Variants in TMEM132D observed in about 807,000 individuals in gnomAD.
The protein encoded by TMEM132D is mature OL transmembrane protein.
Under a neutral mutation model 62.3 loss-of-function variants are expected in TMEM132D, and 21 were observed. The ratio of observed to expected loss-of-function variants is 0.34; its 90% CI spans 0.24 to 0.49. TMEM132D has a LOEUF of 0.49. TMEM132D is among the 20% of genes least tolerant of loss of function. The pLI is 0.99. For synonymous variants in TMEM132D, 621 were observed against 575.6 expected, an observed-to-expected ratio of 1.08 and a Z score of -1.13; for missense variants, 1,346 against 1,402.8, an observed-to-expected ratio of 0.96 and a Z score of 0.65.
chr12:129,263,261 T>C (rs1024318960), intron 4 of TMEM132D, among the ~76,000 whole-genome samples: 3 of 152,176 alleles, frequency 2.0e-5, no homozygotes. Flanking sequence ...GATATTCCTT[T>C]ACTATACTCT....
At chr12:129,375,653 C>G (rs959968109) in intron 3 of TMEM132D, among the ~76,000 whole-genome samples, 2 of 152,054 alleles carry the variant, frequency 1.3e-5, no homozygotes, top group African/African-American at 4.8e-5. Flanking sequence ...TGTCCTCAAC[C>G]TGGACGGTCC....
At chr12:129,096,030 G>A (rs566548127) in intron 5 of TMEM132D, among the ~76,000 whole-genome samples, 1 of 152,248 alleles carries the variant, frequency 6.6e-6, no homozygotes, top group African/African-American at 2.4e-5. Context: ...CTCCTGGTGG[G>A]GGCTTCATAG....
intron 3 of TMEM132D, among the ~76,000 whole-genome samples, chr12:129,495,839 G>A (rs945706538): frequency 6.6e-6 from 1 of 152,148 alleles, no homozygotes; most frequent in Non-Finnish European, 1.5e-5. Flanking sequence ...GGGAGGGCTG[G>A]GTTCCAGGTG....
At chr12:129,843,932 TA>T (rs71848349) in intron 1 of TMEM132D, among the ~76,000 whole-genome samples, 8 of 150,760 alleles carry the variant, frequency 5.3e-5, no homozygotes, top group Non-Finnish European at 8.9e-5. Flanking sequence ...CTACAAAAAT[TA>T]AAAAAAAAAT....
chr12:129,093,393 GACAA>G (rs1222834933), intron 5 of TMEM132D, among the ~76,000 whole-genome samples: 2 of 151,966 alleles, frequency 1.3e-5, no homozygotes, highest in Admixed American at 6.6e-5. Flanking sequence ...ACCAATAACA[GACAA>G]ACAGAGAGCC....
At chr12:129,207,969 A>G (rs10847796) in intron 5 of TMEM132D, among the ~76,000 whole-genome samples, 128,630 of 152,166 alleles carry the variant, frequency 0.85, 54,521 homozygotes, top group Middle Eastern at 0.86. Context: ...GTAAACTGTC[A>G]TCACCCAACT....
intron 2 of TMEM132D, among the ~76,000 whole-genome samples, chr12:129,602,620 C>T (rs1005726113): frequency 2.0e-5 from 3 of 152,138 alleles, no homozygotes; most frequent in African/African-American, 7.2e-5. Context: ...TTGTTTTCAA[C>T]AGACCTTGTT....
intron 2 of TMEM132D, among the ~76,000 whole-genome samples, chr12:129,540,992 T>C (rs963043528): frequency 1.3e-5 from 2 of 152,214 alleles, no homozygotes; most frequent in African/African-American, 2.4e-5. Context: ...CCACTGGATA[T>C]GCAGGTGAGA....
chr12:129,554,492 ACAGTT>A (rs1876996935), intron 2 of TMEM132D, among the ~76,000 whole-genome samples: 1 of 152,186 alleles, frequency 6.6e-6, no homozygotes, highest in East Asian at 1.9e-4. Flanking sequence ...TGAGGGCATC[ACAGTT>A]GCTTACTGTG....
At chr12:129,158,916 G>T (rs796651898) in intron 5 of TMEM132D, among the ~76,000 whole-genome samples, 1 of 152,166 alleles carries the variant, frequency 6.6e-6, no homozygotes, top group African/African-American at 2.4e-5. Flanking sequence ...TCACAAGGTG[G>T]CAGGAGAGAG....
At chr12:129,534,243 A>C (rs1876314955) in intron 2 of TMEM132D, among the ~76,000 whole-genome samples, 4 of 152,136 alleles carry the variant, frequency 2.6e-5, no homozygotes, top group Admixed American at 2.0e-4. Flanking sequence ...TTTTGAAGAT[A>C]CTTTGCTGTA....
chr12:129,587,527 C>A (rs1878063818), intron 2 of TMEM132D, among the ~76,000 whole-genome samples: 1 of 152,050 alleles, frequency 6.6e-6, no homozygotes, highest in Non-Finnish European at 1.5e-5. Context: ...TGCACATGTA[C>A]CCCTGAACTT....
At chr12:129,210,541 G>T (rs1879008434) in intron 4 of TMEM132D, among the ~76,000 whole-genome samples, 1 of 152,100 alleles carries the variant, frequency 6.6e-6, no homozygotes, top group South Asian at 2.1e-4. Context: ...GGATGTCCCG[G>T]CTTGCCCCAA....
At chr12:129,580,401 TTG>T (rs1450678731) in intron 2 of TMEM132D, among the ~76,000 whole-genome samples, 1 of 152,230 alleles carries the variant, frequency 6.6e-6, no homozygotes, top group East Asian at 1.9e-4. Flanking sequence ...CATGAATGTC[TTG>T]TGTTATTAAA....
At chr12:129,138,880 C>T (rs981771431) in intron 5 of TMEM132D, among the ~76,000 whole-genome samples, 1 of 152,182 alleles carries the variant, frequency 6.6e-6, no homozygotes, top group African/African-American at 2.4e-5. Flanking sequence ...TTTGCCCATG[C>T]TCTGCAGCAT....
chr12:129,833,290 C>G (rs1015254908), intron 1 of TMEM132D, among the ~76,000 whole-genome samples: 1 of 152,086 alleles, frequency 6.6e-6, no homozygotes, highest in African/African-American at 2.4e-5. Flanking sequence ...CCTTGTAATT[C>G]CTTCCTACAC....
intron 5 of TMEM132D, among the ~76,000 whole-genome samples, chr12:129,108,450 T>C (rs930885160): frequency 6.6e-6 from 1 of 152,224 alleles, no homozygotes; most frequent in East Asian, 1.9e-4. Flanking sequence ...TCCTGGGTAG[T>C]AGACGACATA....
chr12:129,416,924 G>A (rs1027653669), intron 3 of TMEM132D, among the ~76,000 whole-genome samples: 1 of 152,184 alleles, frequency 6.6e-6, no homozygotes, highest in African/African-American at 2.4e-5. Flanking sequence ...GCTGTTTGAT[G>A]TGCTGCTGGA....
chr12:129,244,096 A>G (rs1399402979), intron 4 of TMEM132D, among the ~76,000 whole-genome samples: 3 of 152,174 alleles, frequency 2.0e-5, no homozygotes, highest in Non-Finnish European at 4.4e-5. Context: ...AATGAAAAAA[A>G]TTATTCCGGC....
Sources: gnomAD v4.1 joint callset for allele counts (sites outside exome capture counted in the v4.1 genomes callset) on GRCh38, gnomAD v4.1.1 for gene constraint, MANE v1.5 for transcripts, NCBI Gene and HGNC (gene_info 2026-07-23, HGNC 2026-07-21) for gene names.